Variants in CTNNA3 observed in about 807,000 individuals in gnomAD.
The protein encoded by CTNNA3 is catenin alpha-3.
CTNNA3 carries 76 observed loss-of-function variants against 95.7 expected under a neutral mutation model. The observed-to-expected ratio is 0.79, with a 90% confidence interval of 0.66 to 0.96. CTNNA3 has a LOEUF of 0.96. Ranked by LOEUF, CTNNA3 falls within the 40% of genes least tolerant of loss-of-function variation. The pLI is 0.00. For synonymous variants in CTNNA3, 431 were observed against 374.4 expected, an observed-to-expected ratio of 1.15 and a Z score of -1.74; for missense variants, 1,191 against 1,089.8, an observed-to-expected ratio of 1.09 and a Z score of -1.31.
At chr10:67,039,342 C>G (rs1854259083) in intron 7 of CTNNA3, among the ~76,000 whole-genome samples, 2 of 152,036 alleles carry the variant, frequency 1.3e-5, no homozygotes, top group Admixed American at 1.3e-4. Context: ...GTTATTTATT[C>G]TAAGAAGTTT....
rs1001027849 is a variant in CTNNA3 at position 65,985,192 on chromosome 10, T to C, written c.2265+3500A>G. Among the ~76,000 whole-genome samples the C allele has an allele frequency of 3.3e-5, 5 of 150,590 alleles. No individual in the cohort carries two copies. The South Asian group carries it at 1.0e-3, about 31-fold the overall frequency. On this transcript the variant is annotated intron_variant, in intron 16 of 17. Transcript: ENST00000433211. Reference sequence around the variant, plus strand: ...TAAACATAGTGAACAATAGTAATCATTATAAAAAGAAGCCCAAAAACCTTT... The same window carrying C: ...TAAACATAGTGAACAATAGTAATCACTATAAAAAGAAGCCCAAAAACCTTT...
At chr10:66,359,353 T>A (rs1589135999) in intron 12 of CTNNA3, among the ~76,000 whole-genome samples, 2 of 152,148 alleles carry the variant, frequency 1.3e-5, no homozygotes. Context: ...GGATGTGGAT[T>A]GGTTCAGAAT....
chr10:66,557,560 C>A (rs1487462023), intron 10 of CTNNA3, among the ~76,000 whole-genome samples: 2 of 151,974 alleles, frequency 1.3e-5, no homozygotes, highest in African/African-American at 4.8e-5. Flanking sequence ...TTACCATTTC[C>A]AAGGGAATTT....
chr10:66,442,288 C>T (rs747940923), intron 11 of CTNNA3, among the ~76,000 whole-genome samples: 10 of 152,102 alleles, frequency 6.6e-5, no homozygotes, highest in Non-Finnish European at 1.2e-4. Flanking sequence ...ATTTTGGCAT[C>T]TGCAGAAGGT....
chr10:66,098,460 G>A (rs994211547), intron 14 of CTNNA3, among the ~76,000 whole-genome samples: 1 of 152,050 alleles, frequency 6.6e-6, no homozygotes, highest in African/African-American at 2.4e-5. Flanking sequence ...TTATAAATAA[G>A]CTACCAATTT....
chr10:66,346,175 A>T (rs554796672), intron 12 of CTNNA3, among the ~76,000 whole-genome samples: 81 of 149,440 alleles, frequency 5.4e-4, no homozygotes, highest in African/African-American at 1.9e-3. Context: ...TTGTTGTAAT[A>T]TAGGAAATTA....
At chr10:66,281,776 T>G (rs760893858) in intron 12 of CTNNA3, among the ~76,000 whole-genome samples, 2 of 151,768 alleles carry the variant, frequency 1.3e-5, no homozygotes, top group Non-Finnish European at 2.9e-5. Flanking sequence ...GTTATTGATA[T>G]GAGGAAATTT....
At position 66,217,514 on chromosome 10, in the gene CTNNA3, G is replaced by A. The variant is rs1385971732; in HGVS notation, c.1884+62956C>T. On this transcript the variant is annotated intron_variant, in intron 13 of 17. Coordinates refer to ENST00000433211, the MANE Select transcript of CTNNA3 (RefSeq NM_013266.4). Reference sequence around the variant, plus strand: ...TTGTATGGGATGGATATTCCAGTTCGTTTAACCATTCATTTGTTGAAGGAC... The same window carrying A: ...TTGTATGGGATGGATATTCCAGTTCATTTAACCATTCATTTGTTGAAGGAC... 3.9e-5 allele frequency among the ~76,000 whole-genome samples: 6 copies of A among 152,094 alleles called. No homozygotes were observed. The East Asian group carries it at 5.8e-4, about 15-fold the overall frequency.
intron 5 of CTNNA3, among the ~76,000 whole-genome samples, chr10:67,406,913 A>G (rs1254570010): frequency 1.3e-5 from 2 of 152,084 alleles, no homozygotes; most frequent in Non-Finnish European, 2.9e-5. Context: ...CTCTGAAATC[A>G]AATCAGTAAT....
At chr10:66,395,730 T>C (rs2092970467) in intron 11 of CTNNA3, among the ~76,000 whole-genome samples, 1 of 151,992 alleles carries the variant, frequency 6.6e-6, no homozygotes, top group African/African-American at 2.4e-5. Flanking sequence ...AGATCCCAAT[T>C]TCACCAGCAT....
intron 7 of CTNNA3, among the ~76,000 whole-genome samples, chr10:66,862,723 C>T (rs186058347): frequency 7.9e-5 from 12 of 152,254 alleles, no homozygotes; most frequent in East Asian, 5.8e-4. Flanking sequence ...GTTAATTTTA[C>T]GTGTTAATGT....
chr10:67,705,816 C>CA (rs1841075369), intron 1 of CTNNA3, among the ~76,000 whole-genome samples: 2 of 151,542 alleles, frequency 1.3e-5, no homozygotes, highest in Admixed American at 1.3e-4. Context: ...AAAAGGGCTA[C>CA]ATGCTCTTCC....
At chr10:67,640,376 C>T (rs1001997486) in intron 2 of CTNNA3, among the ~76,000 whole-genome samples, 5 of 152,164 alleles carry the variant, frequency 3.3e-5, no homozygotes, top group African/African-American at 9.7e-5. Context: ...AATGGAAGAA[C>T]ATTCCATGCT....
intron 11 of CTNNA3, among the ~76,000 whole-genome samples, chr10:66,422,547 T>G (rs2093204359): frequency 6.6e-6 from 1 of 152,072 alleles, no homozygotes; most frequent in Non-Finnish European, 1.5e-5. Flanking sequence ...TATTTTTTTT[T>G]CAAAACAAGA....
rs1053810965 is a variant in CTNNA3, at chr10:65,913,250, A to G, written c.*7080T>C. ...CCCAAGTTGCTATGAAACTAAAACC[A>G]TAATCAAAATGGAAAACAGGGGCAT... On this transcript the variant is annotated 3_prime_UTR_variant, in exon 18 of 18. Transcript: ENST00000433211. 6 of 152,186 alleles carry G rather than the reference A, an allele frequency of 3.9e-5. No homozygotes were observed. The highest frequency in any genetic ancestry group is 7.3e-5 in the Non-Finnish European group (5 of 68,030). The allele number at this position is 152,186 out of a possible 1,614,324, so 9.4% of individuals were successfully genotyped here.
rs191736710 is a variant in CTNNA3 at position 66,971,165 on chromosome 10, C to T, written c.1048-195641G>A. 3.1e-3 allele frequency among the ~76,000 whole-genome samples: 475 copies of T among 152,218 alleles called. 6 individuals carry two copies. Among genetic ancestry groups the T allele is most frequent in the Admixed American group, 0.025 (382 of 15,274 alleles). ...AAAAAAGGCTGGGTGTGGTGGCTCA[C>T]GCCTGTAATCCCAGCACTTTGGGAG... On this transcript the variant is annotated intron_variant, in intron 7 of 17. Transcript: ENST00000433211.
At chr10:66,650,936 C>A (rs865809347) in intron 9 of CTNNA3, among the ~76,000 whole-genome samples, 5 of 152,172 alleles carry the variant, frequency 3.3e-5, no homozygotes, top group African/African-American at 4.8e-5. Context: ...ACGTTGCCAC[C>A]GCTGGCTCGG....
chr10:66,482,975 C>T (rs561226232), intron 11 of CTNNA3, among the ~76,000 whole-genome samples: 38 of 152,260 alleles, frequency 2.5e-4, no homozygotes, highest in African/African-American at 8.9e-4. Flanking sequence ...ATAGCACTCT[C>T]ATGATGACCA....
intron 7 of CTNNA3, among the ~76,000 whole-genome samples, chr10:66,829,244 A>G (rs1471283049): frequency 1.3e-5 from 2 of 152,252 alleles, no homozygotes; most frequent in Non-Finnish European, 2.9e-5. Flanking sequence ...AGAGGAACAC[A>G]GGAATAAAGT....
Sources: allele counts gnomAD v4.1 joint callset (sites outside exome capture counted in the v4.1 genomes callset), GRCh38; gene constraint gnomAD v4.1.1; transcripts MANE v1.5; gene names NCBI Gene and HGNC (gene_info 2026-07-23, HGNC 2026-07-21).